The following CCPG1 variants were observed in gnomAD, a reference collection of about 807,000 sequenced individuals.
CCPG1 encodes cell cycle progression protein 1.
In CCPG1, 46 loss-of-function variants were observed where a neutral mutation model predicts 81.3. The ratio of observed to expected loss-of-function variants is 0.57; its 90% CI spans 0.45 to 0.72. The LOEUF (loss-of-function observed/expected upper bound fraction) is 0.72. Ranked by LOEUF, CCPG1 falls within the 30% of genes least tolerant of loss-of-function variation. CCPG1 has a pLI of 0.00. For synonymous variants in CCPG1, 330 were observed against 305.2 expected (o/e 1.08, Z -0.85); for missense variants, 902 against 937.6 (o/e 0.96, Z 0.50).
chr15:55,399,021 T>A (rs893441018), intron 1 of CCPG1, among the ~76,000 whole-genome samples: 43 of 152,236 alleles, frequency 2.8e-4, no homozygotes, highest in Middle Eastern at 6.8e-3. Flanking sequence ...CATGAACTCT[T>A]CTAAGTGCTG....
chr15:55,407,390 A>G (rs1228160550), intron 1 of CCPG1, among the ~76,000 whole-genome samples: 2 of 152,202 alleles, frequency 1.3e-5, no homozygotes, highest in East Asian at 1.9e-4. Context: ...CTTAAAAGAT[A>G]CGATGCAGTA....
intron 8 of CCPG1, chr15:55,357,446 C>G (rs975245497): frequency 6.5e-5 from 64 of 985,068 alleles, no homozygotes; most frequent in Admixed American, 1.2e-4. Context: ...AGGCTGCTAC[C>G]AATACATTAG....
intron 6 of CCPG1, 51 bp downstream of exon 6, chr15:55,371,742 T>C (rs1191847812): frequency 8.4e-6 from 13 of 1,553,896 alleles, no homozygotes; most frequent in Non-Finnish European, 1.1e-5. Flanking sequence ...ACTCTTAAGT[T>C]CCTCTACACT....
chr15:55,405,649 C>G lies in CCPG1; in HGVS notation c.-10+2572G>C, dbSNP rs146530166. Among the ~76,000 whole-genome samples the G allele has an allele frequency of 1.3e-3, 196 of 152,206 alleles. 2 individuals are homozygous for G. The highest frequency in any genetic ancestry group is 4.5e-3 in the African/African-American group (188 of 41,532). On this transcript the variant is annotated intron_variant, in intron 1 of 8. Coordinates refer to ENST00000442196, the MANE Select transcript of CCPG1 (RefSeq NM_001204450.2). ...TTGAGCCCAGGAGGCTGCAGTAAGT[C>G]GTGTCCAGGCCACTGCACTCCAGAC...
At chr15:55,392,028 T>TAA (rs71437812) in intron 1 of CCPG1, among the ~76,000 whole-genome samples, 10 of 103,938 alleles carry the variant, frequency 9.6e-5, no homozygotes, top group East Asian at 9.1e-4. Context: ...TTCTGATTCC[T>TAA]AAAAAAAAAA....
intron 1 of CCPG1, among the ~76,000 whole-genome samples, chr15:55,405,975 C>T (rs2057211029): frequency 6.6e-6 from 1 of 152,216 alleles, no homozygotes; most frequent in Admixed American, 6.5e-5. Flanking sequence ...AGCGATTCTC[C>T]TGCCTCAGCC....
intron 1 of CCPG1, among the ~76,000 whole-genome samples, chr15:55,402,694 TA>T (rs1196158441): frequency 1.3e-5 from 2 of 152,252 alleles, no homozygotes; most frequent in Non-Finnish European, 2.9e-5. Context: ...ACTAATGCTT[TA>T]AACATGAAAT....
At position 55,360,132 on chromosome 15, in the gene CCPG1, C is replaced by G. The variant is rs1464772611; in HGVS notation, c.1641G>C (p.Lys547Asn). ...TTGTAGCACCAAATCTTTTATTACC[C>G]TTTTCATCAAAGATATTCTTGGTGG... The part of the protein sequence containing the change: ...KDTTKNIFDE[K>N]GNKRFGATKE... Residue 547 changes from lysine to asparagine, a missense_variant, in exon 8 of 9, where the codon AAG (lysine) becomes AAC (asparagine). Coordinates refer to ENST00000442196, the MANE Select transcript of CCPG1 (RefSeq NM_001204450.2). 2 of 1,613,362 alleles carry G rather than the reference C, an allele frequency of 1.2e-6. No homozygotes were observed. The highest frequency in any genetic ancestry group is 1.1e-5 in the South Asian group (1 of 90,974).
intron 8 of CCPG1, 176 bp from the exon 9 acceptor site, chr15:55,356,585 T>C (rs1595814972): frequency 8.0e-7 from 1 of 1,243,838 alleles, no homozygotes; most frequent in African/African-American, 1.6e-5. Flanking sequence ...TATTAGTTTT[T>C]TTGTCCTATA....
chr15:55,378,817 G>A (rs934016330), intron 3 of CCPG1, among the ~76,000 whole-genome samples: 2 of 152,018 alleles, frequency 1.3e-5, no homozygotes, highest in Admixed American at 6.6e-5. Context: ...GGCTGGTCTC[G>A]AACTCCTGAC....
At chr15:55,383,646 G>A (rs1450182878) in intron 3 of CCPG1, among the ~76,000 whole-genome samples, 1 of 152,184 alleles carries the variant, frequency 6.6e-6, no homozygotes, top group Non-Finnish European at 1.5e-5. Context: ...TGGATAACTT[G>A]GTGCGCCTTC....
At chr15:55,399,415 TA>T (rs1432893324) in intron 1 of CCPG1, among the ~76,000 whole-genome samples, 1 of 23,544 alleles carries the variant, frequency 4.2e-5, no homozygotes, top group Non-Finnish European at 8.4e-5. Flanking sequence ...CCACTAAAAA[TA>T]CAAAAAAAAA....
At chr15:55,380,783 G>A (rs1448080034) in intron 3 of CCPG1, among the ~76,000 whole-genome samples, 3 of 151,928 alleles carry the variant, frequency 2.0e-5, no homozygotes, top group Admixed American at 6.6e-5. Context: ...GAGCGGCTGA[G>A]GCAGGCAGAC....
Position 55,363,869 on chromosome 15 carries a change from T to A in CCPG1, c.828+1319A>T, listed in dbSNP as rs1027774627. ...CCCAGGCCGGAGTGCAATAGTGTGA[T>A]CTCAGCTTACTATAACCTCTGCCTC... On this transcript the variant is annotated intron_variant, in intron 7 of 8. Transcript: ENST00000442196. Among the ~76,000 whole-genome samples the A allele has an allele frequency of 2.1e-4, 30 of 143,438 alleles. 1 individual carries two copies. The highest frequency in any genetic ancestry group is 1.6e-3 in the East Asian group (7 of 4,284). The allele number at this position is 143,438 out of a possible 152,430, so 94.1% of individuals were successfully genotyped here. A position where few individuals can be genotyped will look rare whatever the true frequency, so the allele number is the denominator to read the frequency against.
At chr15:55,375,835 C>A (rs1274033631) in intron 5 of CCPG1, among the ~76,000 whole-genome samples, 2 of 152,154 alleles carry the variant, frequency 1.3e-5, no homozygotes, top group East Asian at 3.9e-4. Context: ...GCTGGGACCA[C>A]ATGCGCACGC....
At chr15:55,381,158 G>A (rs940981792) in intron 3 of CCPG1, among the ~76,000 whole-genome samples, 9 of 148,388 alleles carry the variant, frequency 6.1e-5, no homozygotes, top group African/African-American at 1.5e-4. Flanking sequence ...AAATTAGGCC[G>A]GGCACAGTGG....
Position 55,365,276 on chromosome 15 carries a change from A to T in CCPG1, c.740T>A (p.Val247Asp). ...CAATTCATCTTCATGTATCTTTCTG[A>T]CTAACTGTTGACGCTTCTGAATCTG... ...TIQIQKRQQL[V>D]RKIHEDELND... The change falls in exon 7 of 9, where the codon GTC becomes GAC. Residue 247 changes from valine to aspartate, a missense_variant. This residue lies in a region of CCPG1 where 746 missense variants were observed against 728.6 expected (regional missense o/e 1.02). Transcript: ENST00000442196. 1 of 1,553,346 alleles carries T rather than the reference A, an allele frequency of 6.4e-7. No individual in the cohort carries two copies. Among genetic ancestry groups the T allele is most frequent in the Non-Finnish European group, 8.8e-7 (1 of 1,133,658 alleles).
chr15:55,361,326 TG>T (rs1228012447), intron 7 of CCPG1, among the ~76,000 whole-genome samples: 17 of 151,812 alleles, frequency 1.1e-4, no homozygotes, highest in African/African-American at 3.9e-4. Context: ...CGCGCCTGGC[TG>T]GAAGAATTTA....
At chr15:55,386,734 A>C (rs2056806938) in intron 2 of CCPG1, among the ~76,000 whole-genome samples, 1 of 142,664 alleles carries the variant, frequency 7.0e-6, no homozygotes, top group African/African-American at 3.0e-5. Context: ...CTCTACTAAA[A>C]ATACAAAAAA....
Sources: gnomAD v4.1 joint callset for allele counts (sites outside exome capture counted in the v4.1 genomes callset) on GRCh38, gnomAD v4.1.1 for gene constraint, gnomAD v4.1.1 regional missense constraint, MANE v1.5 for transcripts, NCBI Gene and HGNC (gene_info 2026-07-23, HGNC 2026-07-21) for gene names.